HHAT: variants seen among roughly 807,000 people sequenced by gnomAD.
HHAT encodes hedgehog acyltransferase, also known as protein-cysteine N-palmitoyltransferase HHAT.
Under a neutral mutation model 70.8 loss-of-function variants are expected in HHAT, and 47 were observed. The observed-to-expected ratio is 0.66, with a 90% CI of 0.53 to 0.85. The LOEUF is 0.85. HHAT is among the 40% of genes least tolerant of loss of function. The probability of loss-of-function intolerance (pLI) is 0.00; values close to 1 mark genes in which losing one functional copy is unlikely to be tolerated. For missense variants in HHAT, 609 were observed against 604.8 expected (o/e 1.01, Z -0.07); for synonymous variants, 228 against 247.6 (o/e 0.92, Z 0.74).
intron 3 of HHAT, among the ~76,000 whole-genome samples, chr1:210,365,459 G>A (rs1362972808): frequency 2.6e-5 from 4 of 151,698 alleles, no homozygotes; most frequent in Non-Finnish European, 5.9e-5. Flanking sequence ...TAGGATTACA[G>A]GCACCTGCAA....
intron 8 of HHAT, among the ~76,000 whole-genome samples, chr1:210,469,724 A>T (rs2094167450): frequency 6.6e-6 from 1 of 152,122 alleles, no homozygotes; most frequent in South Asian, 2.1e-4. Context: ...GCTGGAATGC[A>T]GTTTTGTGAT....
chr1:210,597,620 G>C (rs1192142577), intron 10 of HHAT, among the ~76,000 whole-genome samples: 1 of 152,060 alleles, frequency 6.6e-6, no homozygotes, highest in African/African-American at 2.4e-5. Flanking sequence ...ACCACCCCAG[G>C]CTTGTGGCAA....
At chr1:210,429,714 A>G (rs1207538416) in intron 7 of HHAT, among the ~76,000 whole-genome samples, 1 of 151,828 alleles carries the variant, frequency 6.6e-6, no homozygotes, top group African/African-American at 2.4e-5. Context: ...TCACTTGCGT[A>G]TGGTGGTGGT....
At chr1:210,435,449 T>G (rs761153014) in intron 7 of HHAT, among the ~76,000 whole-genome samples, 1 of 152,022 alleles carries the variant, frequency 6.6e-6, no homozygotes, top group South Asian at 2.1e-4. Flanking sequence ...CAGATATTGC[T>G]TTGACATGTT....
At chr1:210,450,717 C>T (rs960482143) in intron 7 of HHAT, among the ~76,000 whole-genome samples, 1 of 151,428 alleles carries the variant, frequency 6.6e-6, no homozygotes, top group Non-Finnish European at 1.5e-5. Flanking sequence ...AAACAGCTTT[C>T]CCCTGGAATG....
intron 9 of HHAT, among the ~76,000 whole-genome samples, chr1:210,520,657 T>A (rs11119522): frequency 2.0e-5 from 3 of 151,916 alleles, no homozygotes; most frequent in Admixed American, 6.6e-5. Context: ...CCTCCTCCCA[T>A]TGTCTCTGAA....
At chr1:210,670,299 AG>A (rs1679818004) in intron 11 of HHAT, among the ~76,000 whole-genome samples, 1 of 152,240 alleles carries the variant, frequency 6.6e-6, no homozygotes, top group Admixed American at 6.5e-5. Context: ...TTGTGTCTAC[AG>A]GCCACCAACA....
chr1:210,393,122 G>T (rs533921199), intron 4 of HHAT, among the ~76,000 whole-genome samples: 18 of 152,218 alleles, frequency 1.2e-4, no homozygotes, highest in African/African-American at 4.1e-4. Flanking sequence ...TTCCACAGTT[G>T]TGCAAGCAGG....
rs545037574 is a variant in HHAT at position 210,617,333 on chromosome 1, G to C, written c.1246-6193G>C. 3.3e-5 allele frequency among the ~76,000 whole-genome samples: 5 copies of C among 152,346 alleles called. No individual in the cohort carries two copies. In the East Asian group the frequency reaches 9.6e-4, roughly 29 times the overall value. On this transcript the variant is annotated intron_variant, in intron 10 of 11. Transcript: ENST00000261458. ...TCCTATTTTGGATTTCAGTCTCTAA[G>C]CAGTGAAGAAATATCAAAGCATTTT...
chr1:210,391,457 C>G (rs1398908797), intron 4 of HHAT, among the ~76,000 whole-genome samples: 2 of 151,988 alleles, frequency 1.3e-5, no homozygotes, highest in Non-Finnish European at 2.9e-5. Context: ...AACTTTTTAT[C>G]TAATGACACA....
chr1:210,584,891 A>T (rs547298543), intron 9 of HHAT, among the ~76,000 whole-genome samples: 1 of 152,220 alleles, frequency 6.6e-6, no homozygotes, highest in Non-Finnish European at 1.5e-5. Flanking sequence ...CCATAATGCC[A>T]GGAATTCCCT....
chr1:210,391,462 G>A (rs371748252), intron 4 of HHAT, among the ~76,000 whole-genome samples: 1 of 152,196 alleles, frequency 6.6e-6, no homozygotes, highest in Non-Finnish European at 1.5e-5. Context: ...TTTATCTAAT[G>A]ACACAATAGA....
At chr1:210,550,904 G>T (rs2095522117) in intron 9 of HHAT, among the ~76,000 whole-genome samples, 1 of 123,346 alleles carries the variant, frequency 8.1e-6, no homozygotes, top group Admixed American at 9.5e-5. Flanking sequence ...TTGACCTTAA[G>T]TGATCCACCC....
At chr1:210,521,388 G>C (rs1432102129) in intron 9 of HHAT, among the ~76,000 whole-genome samples, 1 of 152,134 alleles carries the variant, frequency 6.6e-6, no homozygotes, top group Non-Finnish European at 1.5e-5. Flanking sequence ...GATTATAAAT[G>C]ATATTACCTG....
At chr1:210,420,393 A>G (rs2092862321) in intron 7 of HHAT, among the ~76,000 whole-genome samples, 1 of 152,198 alleles carries the variant, frequency 6.6e-6, no homozygotes, top group Non-Finnish European at 1.5e-5. Context: ...TCCGTTCTAC[A>G]TATACGAGGA....
At chr1:210,346,336 A>G (rs779686126) in intron 1 of HHAT, among the ~76,000 whole-genome samples, 2 of 152,238 alleles carry the variant, frequency 1.3e-5, no homozygotes, top group African/African-American at 4.8e-5. Flanking sequence ...ACATCTTTTG[A>G]CAGGCGAGAC....
intron 9 of HHAT, among the ~76,000 whole-genome samples, chr1:210,525,768 T>A (rs772207281): frequency 1.3e-5 from 2 of 152,176 alleles, no homozygotes; most frequent in Non-Finnish European, 2.9e-5. Context: ...AAAGAGCCCC[T>A]GGTGACTTAC....
At chr1:210,616,416 T>C (rs1035456514) in intron 10 of HHAT, among the ~76,000 whole-genome samples, 2 of 151,878 alleles carry the variant, frequency 1.3e-5, no homozygotes, top group Admixed American at 6.6e-5. Context: ...TTAGATGTCA[T>C]TTTCTGGGGA....
At chr1:210,359,634 A>C (rs530927068) in intron 2 of HHAT, among the ~76,000 whole-genome samples, 1 of 152,210 alleles carries the variant, frequency 6.6e-6, no homozygotes, top group African/African-American at 2.4e-5. Flanking sequence ...AAAAAACCCC[A>C]GTCTCACAAG....
Sources: allele counts gnomAD v4.1 joint callset (sites outside exome capture counted in the v4.1 genomes callset), GRCh38; gene constraint gnomAD v4.1.1; transcripts MANE v1.5; gene names NCBI Gene and HGNC (gene_info 2026-07-23, HGNC 2026-07-21).